Variants in MTCH1 observed in about 807,000 individuals in gnomAD.
MTCH1 encodes the protein mitochondrial carrier 1.
Under a neutral mutation model 49.3 loss-of-function variants are expected in MTCH1, and 23 were observed. The ratio of observed to expected loss-of-function variants is 0.47; its 90% CI spans 0.34 to 0.66. MTCH1 has a LOEUF of 0.66. Ranked by LOEUF, MTCH1 falls within the 30% of genes least tolerant of loss-of-function variation. The pLI, the probability that MTCH1 is intolerant of heterozygous loss-of-function variation, is 0.01. For missense variants in MTCH1, 397 were observed against 532.1 expected, an observed-to-expected ratio of 0.75 and a Z score of 2.50; for synonymous variants, 229 against 215.2, an observed-to-expected ratio of 1.06 and a Z score of -0.56.
intron 7 of MTCH1, among the ~76,000 whole-genome samples, chr6:36,974,465 G>A (rs1763791848): frequency 6.6e-6 from 1 of 152,144 alleles, no homozygotes. Flanking sequence ...TTGGTCTCCT[G>A]ACAGCTGCAG....
At chr6:36,978,299 G>A (rs1763962905) in intron 3 of MTCH1, 144 bp from the exon 4 acceptor site, 6 of 872,714 alleles carry the variant, frequency 6.9e-6, no homozygotes, top group African/African-American at 1.7e-5. Context: ...TCCAGGTCTG[G>A]AGCTTGGGGG....
rs1412947110 is a variant in MTCH1 at position 36,975,734 on chromosome 6, ACAGAGATACAGGGTC to A, written c.702-32_702-18del. 21 of 1,613,142 alleles carry A rather than the reference ACAGAGATACAGGGTC, an allele frequency of 1.3e-5. No individual in the cohort carries two copies. The African/African-American group carries it at 1.5e-4, about 11-fold the overall frequency. On this transcript the variant is annotated intron_variant, in intron 6 of 11. Coordinates refer to ENST00000373627, the MANE Select transcript of MTCH1 (RefSeq NM_001271641.2). ...AGCACACCACTGTGAAGAAGGCAAG[ACAGAGATACAGGGTC>A]ATGCAGTCACCTACCAGAAGCCCAC...
intron 6 of MTCH1, chr6:36,976,748 G>C (rs1230233963): frequency 2.7e-6 from 1 of 374,014 alleles, no homozygotes; most frequent in African/African-American, 2.1e-5. Flanking sequence ...AGATCTAGGT[G>C]AGGGTCTGGT....
At chr6:36,976,228 C>T (rs1763874156) in intron 6 of MTCH1, among the ~76,000 whole-genome samples, 1 of 152,176 alleles carries the variant, frequency 6.6e-6, no homozygotes, top group Non-Finnish European at 1.5e-5. Context: ...GAGAAGACAT[C>T]TGGCACTCCT....
chr6:36,970,028 T>G lies in MTCH1; in HGVS notation c.1098+11A>C. 1 of 1,614,100 alleles carries G rather than the reference T, an allele frequency of 6.2e-7. No individual in the cohort carries two copies. The highest frequency in any genetic ancestry group is 2.2e-5 in the East Asian group (1 of 44,888). ...AACAGGAAAGGCCTCCGCCGTCCAG[T>G]GCTTGCTCACCTGCACACTCAGGTA... On this transcript the variant is annotated intron_variant, in intron 11 of 11. Coordinates refer to ENST00000373627, the MANE Select transcript of MTCH1 (RefSeq NM_001271641.2).
intron 7 of MTCH1, among the ~76,000 whole-genome samples, chr6:36,974,786 C>A (rs1441204379): frequency 6.6e-6 from 1 of 152,138 alleles, no homozygotes; most frequent in Non-Finnish European, 1.5e-5. Flanking sequence ...ATCTCACAAA[C>A]CGGAAAACCA....
At position 36,968,864 on chromosome 6, in the gene MTCH1, G is replaced by C. The variant is rs1042987; in HGVS notation, c.*39C>G. The C allele has an allele frequency of 9.3e-6, 15 of 1,612,990 alleles. No homozygotes were observed. In the South Asian group the frequency reaches 1.6e-4, roughly 18 times the overall value. ...CCCAAGGTGGTCAGGCCTCACCCAC[G>C]GTGGCCAGGTTGAGACCGTGTTTTT... On this transcript the variant is annotated 3_prime_UTR_variant, in exon 12 of 12. Transcript: ENST00000373627.
chr6:36,974,647 T>C (rs1453895916), intron 7 of MTCH1, among the ~76,000 whole-genome samples: 1 of 152,184 alleles, frequency 6.6e-6, no homozygotes, highest in East Asian at 1.9e-4. Context: ...CTCCGGACAC[T>C]GCCGATGTTC....
At chr6:36,980,417 T>C (rs1764043928) in intron 2 of MTCH1, among the ~76,000 whole-genome samples, 1 of 152,244 alleles carries the variant, frequency 6.6e-6, no homozygotes, top group South Asian at 2.1e-4. Context: ...CTTACCTCTC[T>C]GTATACTGCC....
chr6:36,969,845 T>C, intron 11 of MTCH1, 194 bp downstream of exon 11: 1 of 1,529,798 alleles, frequency 6.5e-7, no homozygotes, highest in Non-Finnish European at 8.8e-7. Flanking sequence ...AACCCACACT[T>C]AGCCACCTCA....
intron 6 of MTCH1, among the ~76,000 whole-genome samples, chr6:36,976,952 A>G (rs1347366081): frequency 1.3e-5 from 2 of 152,184 alleles, no homozygotes; most frequent in East Asian, 1.9e-4. Context: ...GCTGACTACA[A>G]TCCCACTCAC....
At chr6:36,975,835 G>T (rs997649468) in intron 6 of MTCH1, 118 bp from the exon 7 acceptor site, 6 of 848,028 alleles carry the variant, frequency 7.1e-6, no homozygotes, top group Non-Finnish European at 9.8e-6. Flanking sequence ...TGGCAGGGAT[G>T]GGGAGGACTA....
chr6:36,983,409 A>G (rs757781979), intron 1 of MTCH1, among the ~76,000 whole-genome samples: 2 of 152,224 alleles, frequency 1.3e-5, no homozygotes, highest in Non-Finnish European at 1.5e-5. Context: ...AGTCAACACT[A>G]TTTGGGAGTC....
chr6:36,970,051 G>A lies in MTCH1; in HGVS notation c.1086C>T (p.Tyr362=), dbSNP rs1763621202. ...AGTGCTTGCTCACCTGCACACTCAG[G>A]TACTTCCAGCAGTGAATCCAGGATT... The part of the protein sequence containing the change: ...VFKSWIHCWK[Y]LSVQGQLFRG... Residue 362 remains tyrosine (Y), a synonymous_variant, in exon 11 of 12, where the codon TAC becomes TAT. Transcript: ENST00000373627. The A allele has an allele frequency of 6.2e-7, 1 of 1,614,186 alleles. No individual in the cohort carries two copies. Among genetic ancestry groups the A allele is most frequent in the East Asian group, 2.2e-5 (1 of 44,888 alleles).
At chr6:36,970,295 G>A (rs1763634468) in intron 10 of MTCH1, 111 bp downstream of exon 10, 5 of 1,494,598 alleles carry the variant, frequency 3.3e-6, no homozygotes, top group Non-Finnish European at 4.6e-6. Flanking sequence ...GGCAGGCCAA[G>A]CCTACACACA....
intron 11 of MTCH1, chr6:36,969,770 C>T (rs1318403038): frequency 1.5e-6 from 2 of 1,352,412 alleles, no homozygotes; most frequent in Non-Finnish European, 1.9e-6. Flanking sequence ...TTCTCTTATC[C>T]TTATCCTAAG....
At position 36,975,651 on chromosome 6, in the gene MTCH1, C is replaced by CA; in HGVS notation, c.761+6dup. The CA allele has an allele frequency of 1.2e-6, 2 of 1,613,968 alleles. No homozygotes were observed. The highest frequency in any genetic ancestry group is 1.7e-6 in the Non-Finnish European group (2 of 1,179,874). ...TGGCCAGTTATGGGGTGTATAAACT[C>CA]ACGTACACGAAGAATCCCAGCAGCC... is the stretch of plus-strand genomic sequence containing the variant. On this transcript the variant is annotated splice_region_variant and intron_variant, in intron 7 of 11. Transcript: ENST00000373627.
intron 2 of MTCH1, among the ~76,000 whole-genome samples, chr6:36,981,050 A>G (rs748525404): frequency 3.5e-4 from 54 of 152,230 alleles, no homozygotes; most frequent in Admixed American, 1.2e-3. Flanking sequence ...CGCAGCACAC[A>G]GAAGTGAAGC....
intron 2 of MTCH1, 122 bp downstream of exon 2, chr6:36,981,466 C>G (rs1764084158): frequency 1.2e-6 from 1 of 845,370 alleles, no homozygotes; most frequent in Admixed American, 2.6e-5. Flanking sequence ...ATCCCCTCCT[C>G]CATGCCAGCT....
Sources: allele counts gnomAD v4.1 joint callset (sites outside exome capture counted in the v4.1 genomes callset), GRCh38; gene constraint gnomAD v4.1.1; transcripts MANE v1.5; gene names NCBI Gene and HGNC (gene_info 2026-07-23, HGNC 2026-07-21).